KLHL6: variants seen among roughly 807,000 people sequenced by gnomAD.
The protein encoded by KLHL6 is kelch like family member 6.
In KLHL6, 41 loss-of-function variants were observed where a neutral mutation model predicts 58.6. The observed-to-expected ratio is 0.70, with a 90% CI of 0.55 to 0.91. The LOEUF (loss-of-function observed/expected upper bound fraction) is 0.91, where lower values mean the gene tolerates loss of function less well. Ranked by LOEUF, KLHL6 falls within the 40% of genes least tolerant of loss-of-function variation. The pLI, the probability that KLHL6 is intolerant of heterozygous loss-of-function variation, is 0.00. For synonymous variants in KLHL6, 338 were observed against 322.7 expected (o/e 1.05, Z -0.51); for missense variants, 714 against 805.6 (o/e 0.89, Z 1.38).
intron 4 of KLHL6, among the ~76,000 whole-genome samples, chr3:183,498,318 G>T (rs1717770952): frequency 6.6e-6 from 1 of 152,212 alleles, no homozygotes; most frequent in Non-Finnish European, 1.5e-5. Flanking sequence ...TGCATCCAAA[G>T]AATGACCTGC....
At chr3:183,544,749 A>AACACACACACACACACAC (rs36060782) in intron 1 of KLHL6, 22 of 114,712 alleles carry the variant, frequency 1.9e-4, no homozygotes, top group South Asian at 3.2e-4. Flanking sequence ...CTGTCTCTCA[A>AACACACACACACACACAC]ACACACACAC....
At chr3:183,508,807 G>A (rs1192219734) in intron 2 of KLHL6, among the ~76,000 whole-genome samples, 3 of 151,980 alleles carry the variant, frequency 2.0e-5, no homozygotes, top group South Asian at 2.1e-4. Context: ...AGACACTTAC[G>A]GGACTAGCTA....
intron 3 of KLHL6, among the ~76,000 whole-genome samples, chr3:183,502,395 G>A (rs1215730620): frequency 1.3e-5 from 2 of 152,030 alleles, no homozygotes; most frequent in African/African-American, 2.4e-5. Context: ...ATCCACGATG[G>A]CCCCAGTGAT....
chr3:183,547,511 T>C (rs2108697922), intron 1 of KLHL6, among the ~76,000 whole-genome samples: 1 of 152,322 alleles, frequency 6.6e-6, no homozygotes, highest in East Asian at 1.9e-4. Flanking sequence ...GTTTTCATTA[T>C]AATATTTTTC....
intron 1 of KLHL6, among the ~76,000 whole-genome samples, chr3:183,533,012 G>A (rs898291944): frequency 2.0e-5 from 3 of 152,162 alleles, no homozygotes; most frequent in African/African-American, 4.8e-5. Flanking sequence ...TAGCCACACC[G>A]CTAGGGAACA....
intron 1 of KLHL6, among the ~76,000 whole-genome samples, chr3:183,531,240 G>T (rs59778744): frequency 0.017 from 2,655 of 152,048 alleles, 67 homozygotes; most frequent in African/African-American, 0.061. Context: ...CAGACACCTG[G>T]GAGTCGGGGG....
intron 5 of KLHL6, chr3:183,493,033 T>A (rs867672305): frequency 3.3e-6 from 1 of 303,376 alleles, no homozygotes; most frequent in Admixed American, 4.7e-5. Context: ...TATACATGCA[T>A]ATTCATATTC....
intron 1 of KLHL6, among the ~76,000 whole-genome samples, chr3:183,549,471 T>G (rs1243079380): frequency 6.6e-6 from 1 of 152,248 alleles, no homozygotes; most frequent in Non-Finnish European, 1.5e-5. Flanking sequence ...AATGTAAAGT[T>G]TTTTGTAACT....
In KLHL6 at chr3:183,508,284, G is replaced by T; in HGVS notation, c.684C>A (p.Tyr228Ter). 6.2e-7 allele frequency: 1 copy of T among 1,614,108 alleles called. No individual in the cohort carries two copies. The highest frequency in any genetic ancestry group is 8.5e-7 in the Non-Finnish European group (1 of 1,180,018). The change falls in exon 3 of 7, where the codon TAC becomes TAA. Residue 228 changes from tyrosine (Y) to a stop codon, truncating the protein, a stop_gained. Transcript: ENST00000341319. LOFTEE classifies it high-confidence loss of function. ...CAAACACCTGAGCCTCCTCGGTCAC[G>T]TAAAGGTCATCACTCTTCAAGATGT... is the stretch of plus-strand genomic sequence containing the variant. ...LHHILKSDDL[Y>*]VTEEAQVFET...
chr3:183,515,641 C>T (rs991940825), intron 2 of KLHL6, among the ~76,000 whole-genome samples: 2 of 152,210 alleles, frequency 1.3e-5, no homozygotes, highest in Non-Finnish European at 2.9e-5. Flanking sequence ...TCCTTGACGG[C>T]TTCTCCTATT....
intron 3 of KLHL6, among the ~76,000 whole-genome samples, chr3:183,507,290 T>C (rs1718035028): frequency 6.6e-6 from 1 of 152,156 alleles, no homozygotes; most frequent in Non-Finnish European, 1.5e-5. Context: ...GAAATTCAGA[T>C]GGTGAGAGTC....
At chr3:183,517,800 G>T (rs778383828) in intron 2 of KLHL6, among the ~76,000 whole-genome samples, 1 of 152,224 alleles carries the variant, frequency 6.6e-6, no homozygotes, top group Non-Finnish European at 1.5e-5. Flanking sequence ...CAGCAATGAG[G>T]TAAGGACCAG....
intron 1 of KLHL6, chr3:183,551,982 T>A (rs1202206602): frequency 1.3e-5 from 2 of 152,194 alleles, no homozygotes; most frequent in Admixed American, 6.5e-5. Context: ...TACGAAGAGA[T>A]GTTTGATCTT....
intron 1 of KLHL6, among the ~76,000 whole-genome samples, chr3:183,535,317 T>C (rs978055478): frequency 6.6e-6 from 1 of 152,212 alleles, no homozygotes; most frequent in African/African-American, 2.4e-5. Flanking sequence ...CACATGTGGC[T>C]AGTAGCTACC....
intron 1 of KLHL6, among the ~76,000 whole-genome samples, chr3:183,533,178 G>A (rs985227296): frequency 6.6e-6 from 1 of 151,972 alleles, no homozygotes; most frequent in Non-Finnish European, 1.5e-5. Flanking sequence ...AACACGGAGG[G>A]GATTACACCT....
At chr3:183,518,850 G>A (rs1711643062) in intron 2 of KLHL6, among the ~76,000 whole-genome samples, 1 of 152,154 alleles carries the variant, frequency 6.6e-6, no homozygotes, top group African/African-American at 2.4e-5. Context: ...TCCCACCCTG[G>A]AGGCAATAAA....
intron 4 of KLHL6, among the ~76,000 whole-genome samples, chr3:183,494,639 C>G (rs1236849892): frequency 1.3e-5 from 2 of 152,192 alleles, no homozygotes; most frequent in African/African-American, 2.4e-5. Flanking sequence ...TTTGCCCTCA[C>G]AGGGAGCAGG....
chr3:183,536,486 G>C (rs1712370957), intron 1 of KLHL6, among the ~76,000 whole-genome samples: 1 of 152,254 alleles, frequency 6.6e-6, no homozygotes, highest in African/African-American at 2.4e-5. Flanking sequence ...CCACCTGGCT[G>C]TTGGCAGGCA....
At chr3:183,523,649 C>T (rs1711845644) in intron 2 of KLHL6, among the ~76,000 whole-genome samples, 1 of 152,224 alleles carries the variant, frequency 6.6e-6, no homozygotes, top group African/African-American at 2.4e-5. Context: ...CAGATAAGCT[C>T]CCAATCCCTT....
Sources: gnomAD v4.1 joint callset for allele counts (sites outside exome capture counted in the v4.1 genomes callset) on GRCh38, gnomAD v4.1.1 for gene constraint, MANE v1.5 for transcripts, NCBI Gene and HGNC (gene_info 2026-07-23, HGNC 2026-07-21) for gene names.